NRXN3: variants seen among roughly 807,000 people sequenced by gnomAD.
NRXN3 encodes neurexin 3.
In NRXN3, 32 loss-of-function variants were observed where a neutral mutation model predicts 137.6. The observed-to-expected ratio is 0.23, with a 90% CI of 0.18 to 0.31. The LOEUF (loss-of-function observed/expected upper bound fraction) is 0.31. Among genes scored for constraint, NRXN3 ranks in the 10% least tolerant of loss-of-function variants. NRXN3 has a pLI of 1.00. For synonymous variants in NRXN3, 798 were observed against 784.5 expected, an observed-to-expected ratio of 1.02 and a Z score of -0.29; for missense variants, 1,574 against 2,062.5, an observed-to-expected ratio of 0.76 and a Z score of 4.59.
At chr14:79,809,079 G>A (rs550465493) in intron 20 of NRXN3, among the ~76,000 whole-genome samples, 3 of 152,218 alleles carry the variant, frequency 2.0e-5, no homozygotes, top group Non-Finnish European at 2.9e-5. Context: ...ATGAGAGCAA[G>A]GCATAAAGTA....
intron 15 of NRXN3, among the ~76,000 whole-genome samples, chr14:79,064,777 GTA>G (rs1229248575): frequency 2.2e-5 from 3 of 136,296 alleles, no homozygotes; most frequent in Admixed American, 8.2e-5. Context: ...ATGTATGTGT[GTA>G]TATATATATA....
intron 4 of NRXN3, among the ~76,000 whole-genome samples, chr14:78,404,884 A>G (rs2092378811): frequency 6.6e-6 from 1 of 152,206 alleles, no homozygotes. Flanking sequence ...ATTATTAGAC[A>G]AGGACACACA....
At chr14:78,486,642 GCAA>G (rs2095563838) in intron 4 of NRXN3, among the ~76,000 whole-genome samples, 1 of 152,132 alleles carries the variant, frequency 6.6e-6, no homozygotes, top group South Asian at 2.1e-4. Flanking sequence ...TAAGGAAAAA[GCAA>G]CAACAGGATC....
intron 6 of NRXN3, among the ~76,000 whole-genome samples, chr14:78,676,928 T>C (rs2098013700): frequency 6.6e-6 from 1 of 152,172 alleles, no homozygotes; most frequent in Admixed American, 6.5e-5. Flanking sequence ...CCCATCTGTT[T>C]ACAGCATGGT....
intron 19 of NRXN3, among the ~76,000 whole-genome samples, chr14:79,799,786 T>C (rs1389950022): frequency 6.6e-6 from 1 of 152,192 alleles, no homozygotes; most frequent in Non-Finnish European, 1.5e-5. Flanking sequence ...CTTCACACAT[T>C]AATGCTTCCT....
At chr14:78,391,024 CAT>C (rs889054703) in intron 4 of NRXN3, among the ~76,000 whole-genome samples, 78 of 152,304 alleles carry the variant, frequency 5.1e-4, no homozygotes, top group Non-Finnish European at 2.9e-4. Context: ...AAAGTGAAAA[CAT>C]GTGGTGTTTG....
chr14:79,034,176 T>C (rs539928749), intron 15 of NRXN3, among the ~76,000 whole-genome samples: 6 of 152,074 alleles, frequency 3.9e-5, no homozygotes, highest in Middle Eastern at 3.2e-3. Context: ...AGCCAAAGTT[T>C]GTACTGAGTT....
intron 4 of NRXN3, among the ~76,000 whole-genome samples, chr14:78,427,511 G>A (rs1438639305): frequency 6.6e-6 from 1 of 152,214 alleles, no homozygotes; most frequent in African/African-American, 2.4e-5. Context: ...TTCTACCTGA[G>A]AACTGGTATA....
Position 78,957,553 on chromosome 14 carries a change from G to A in NRXN3, c.2395+192G>A, listed in dbSNP as rs533980143. Among the ~76,000 whole-genome samples, 7 of 152,284 alleles carry A rather than the reference G, an allele frequency of 4.6e-5. No homozygotes were observed. In the East Asian group the frequency reaches 7.7e-4, roughly 17 times the overall value. On this transcript the variant is annotated intron_variant, in intron 11 of 20. Transcript: ENST00000335750. The stretch of plus-strand genomic sequence containing the variant: ...TTACAATACCTTTTCATCAATGTGC[G>A]TTATGGAAATTACCTACTAACTATA...
At chr14:78,296,849 C>A (rs990673904) in intron 3 of NRXN3, among the ~76,000 whole-genome samples, 2 of 151,938 alleles carry the variant, frequency 1.3e-5, no homozygotes, top group African/African-American at 4.8e-5. Flanking sequence ...TCCCCTATAT[C>A]CCTGAATTTT....
At chr14:79,569,626 T>TGA (rs1175759477) in intron 16 of NRXN3, among the ~76,000 whole-genome samples, 40 of 147,116 alleles carry the variant, frequency 2.7e-4, no homozygotes, top group African/African-American at 1.0e-3. Flanking sequence ...TGTGTGTGTG[T>TGA]GTGTGAGAGA....
At chr14:78,266,585 C>G (rs992860768) in intron 2 of NRXN3, among the ~76,000 whole-genome samples, 53 of 152,302 alleles carry the variant, frequency 3.5e-4, no homozygotes, top group African/African-American at 1.3e-3. Flanking sequence ...GCATGAGCCA[C>G]CAAGCCCAGC....
chr14:78,303,750 T>C (rs1474387847), intron 4 of NRXN3, among the ~76,000 whole-genome samples: 1 of 152,180 alleles, frequency 6.6e-6, no homozygotes, highest in Non-Finnish European at 1.5e-5. Flanking sequence ...TTGAACATGC[T>C]TCTCCCTCTT....
intron 20 of NRXN3, among the ~76,000 whole-genome samples, chr14:79,840,617 G>A (rs939164830): frequency 2.0e-5 from 3 of 152,036 alleles, no homozygotes; most frequent in Admixed American, 6.6e-5. Context: ...ATACAGTCAC[G>A]GCCATTCAAT....
intron 10 of NRXN3, among the ~76,000 whole-genome samples, chr14:78,886,540 A>T (rs567600224): frequency 2.6e-5 from 4 of 151,770 alleles, no homozygotes; most frequent in African/African-American, 9.7e-5. Context: ...AGAGTCTTTA[A>T]TTTGAGCTAG....
intron 16 of NRXN3, among the ~76,000 whole-genome samples, chr14:79,477,051 C>T (rs188687898): frequency 3.3e-5 from 5 of 151,248 alleles, no homozygotes; most frequent in East Asian, 1.9e-4. Flanking sequence ...ATCATATGTA[C>T]GAATCTTTTT....
intron 15 of NRXN3, among the ~76,000 whole-genome samples, chr14:79,426,195 A>G (rs997317509): frequency 4.1e-4 from 63 of 152,158 alleles, no homozygotes; most frequent in African/African-American, 1.4e-3. Context: ...GATGCAGCTG[A>G]CAGTAGCAGA....
intron 15 of NRXN3, among the ~76,000 whole-genome samples, chr14:79,432,042 G>A (rs956982838): frequency 1.3e-5 from 2 of 152,004 alleles, no homozygotes; most frequent in African/African-American, 4.8e-5. Context: ...AAGTAAATAA[G>A]CCAACAATGG....
At chr14:79,082,687 C>A (rs953687110) in intron 15 of NRXN3, among the ~76,000 whole-genome samples, 1 of 152,088 alleles carries the variant, frequency 6.6e-6, no homozygotes, top group Non-Finnish European at 1.5e-5. Flanking sequence ...CAAATGAGTT[C>A]TTTTTCCACC....
Sources: gnomAD v4.1 joint callset for allele counts (sites outside exome capture counted in the v4.1 genomes callset) on GRCh38, gnomAD v4.1.1 for gene constraint, MANE v1.5 for transcripts, NCBI Gene and HGNC (gene_info 2026-07-23, HGNC 2026-07-21) for gene names.